Variants in C8orf88 observed in about 807,000 individuals in gnomAD.
C8orf88 encodes uncharacterized protein C8orf88.
Under a neutral mutation model 18.4 loss-of-function variants are expected in C8orf88, and 14 were observed. That is an observed-to-expected ratio of 0.76 (90% CI 0.50 to 1.19). The LOEUF (loss-of-function observed/expected upper bound fraction) is 1.19, where lower values mean the gene tolerates loss of function less well. Ranked by LOEUF, C8orf88 falls within the 50% of genes most tolerant of loss-of-function variation. The pLI is 0.00. For missense variants in C8orf88, 116 were observed against 134.7 expected (o/e 0.86, Z 0.69); for synonymous variants, 45 against 42.9 (o/e 1.05, Z -0.19).
At chr8:90,979,868 A>C (rs561255053) in intron 2 of C8orf88, among the ~76,000 whole-genome samples, 1 of 152,362 alleles carries the variant, frequency 6.6e-6, no homozygotes, top group East Asian at 1.9e-4. Flanking sequence ...AGATATTTTG[A>C]AATTAGACCT....
At chr8:90,973,676 A>T (rs937187196) in intron 3 of C8orf88, among the ~76,000 whole-genome samples, 6 of 151,980 alleles carry the variant, frequency 3.9e-5, no homozygotes, top group African/African-American at 1.4e-4. Flanking sequence ...TAGAGACAAG[A>T]TCTTGCTACA....
At chr8:90,972,703 G>A (rs530287579) in intron 3 of C8orf88, among the ~76,000 whole-genome samples, 17 of 152,146 alleles carry the variant, frequency 1.1e-4, no homozygotes, top group African/African-American at 3.9e-4. Flanking sequence ...TTATAGGTAA[G>A]GAAAATCAGA....
chr8:90,968,860 C>A (rs182415110), intron 4 of C8orf88, among the ~76,000 whole-genome samples: 191 of 150,536 alleles, frequency 1.3e-3, no homozygotes, highest in Non-Finnish European at 2.3e-3. Flanking sequence ...ATAGAAATAG[C>A]CAACAAGCAC....
intron 4 of C8orf88, among the ~76,000 whole-genome samples, chr8:90,967,897 G>A (rs990823354): frequency 6.6e-6 from 1 of 151,674 alleles, no homozygotes; most frequent in Non-Finnish European, 1.5e-5. Flanking sequence ...ACTGAAAACT[G>A]TAAAATATTG....
intron 1 of C8orf88, among the ~76,000 whole-genome samples, chr8:90,984,885 C>A (rs749373088): frequency 1.3e-5 from 2 of 152,140 alleles, no homozygotes; most frequent in Non-Finnish European, 2.9e-5. Flanking sequence ...CCCTGGCCCC[C>A]TACACTTTCT....
intron 4 of C8orf88, among the ~76,000 whole-genome samples, chr8:90,961,172 G>A (rs1811121639): frequency 6.6e-6 from 1 of 151,272 alleles, no homozygotes; most frequent in Non-Finnish European, 1.5e-5. Context: ...TAACTATTGG[G>A]CAATTCAGAT....
At chr8:90,963,955 AT>A (rs1190274137) in intron 4 of C8orf88, among the ~76,000 whole-genome samples, 1 of 151,610 alleles carries the variant, frequency 6.6e-6, no homozygotes, top group Non-Finnish European at 1.5e-5. Context: ...GAATCTATAC[AT>A]CTAAGAAGTT....
chr8:90,963,380 T>A (rs1052420786), intron 4 of C8orf88, among the ~76,000 whole-genome samples: 2 of 151,712 alleles, frequency 1.3e-5, no homozygotes, highest in African/African-American at 4.8e-5. Context: ...GCCACATTTA[T>A]AACATTCAAA....
chr8:90,981,965 A>G (rs1389995977), intron 1 of C8orf88, among the ~76,000 whole-genome samples: 2 of 152,184 alleles, frequency 1.3e-5, no homozygotes, highest in Non-Finnish European at 1.5e-5. Flanking sequence ...TAACCCTTTA[A>G]GTTCCCAGAA....
chr8:90,964,301 TTATC>T (rs764154634), intron 4 of C8orf88, among the ~76,000 whole-genome samples: 4 of 151,790 alleles, frequency 2.6e-5, no homozygotes, highest in South Asian at 2.1e-4. Flanking sequence ...TTACAAGAGA[TTATC>T]TATCAGATAA....
At chr8:90,963,341 G>A (rs1353161551) in intron 4 of C8orf88, among the ~76,000 whole-genome samples, 1 of 151,480 alleles carries the variant, frequency 6.6e-6, no homozygotes, top group African/African-American at 2.4e-5. Flanking sequence ...CAAACCCAAG[G>A]GAAGGAAGAA....
At chr8:90,972,157 C>G (rs1364288054) in intron 3 of C8orf88, among the ~76,000 whole-genome samples, 1 of 152,014 alleles carries the variant, frequency 6.6e-6, no homozygotes, top group East Asian at 1.9e-4. Flanking sequence ...CCTTAAATTT[C>G]TGTGAATGCT....
intron 4 of C8orf88, among the ~76,000 whole-genome samples, chr8:90,966,620 C>T (rs1811203888): frequency 6.7e-6 from 1 of 148,918 alleles, no homozygotes. Context: ...AAACCTTTAC[C>T]AAGACTGATT....
rs1811079718 is a variant in C8orf88 at position 90,958,838 on chromosome 8, T to C, written c.*169A>G. The stretch of plus-strand genomic sequence containing the variant: ...AACCTCCTGCAAAGCTGAAACTGAT[T>C]AGAAAATTCTTTATATTTTAAAATA... On this transcript the variant is annotated 3_prime_UTR_variant, in exon 6 of 6. Coordinates refer to ENST00000517562, the MANE Select transcript of C8orf88 (RefSeq NM_001190972.2). The C allele has an allele frequency of 4.2e-6, 2 of 474,030 alleles. No individual in the cohort carries two copies. The highest frequency in any genetic ancestry group is 3.6e-6 in the Non-Finnish European group (1 of 281,524). 29.4% of individuals were successfully genotyped at this position (474,030 alleles called of 1,614,324 possible). A position where few individuals can be genotyped will look rare whatever the true frequency, so the allele number is the denominator to read the frequency against.
chr8:90,962,595 A>C (rs1563551590), intron 4 of C8orf88, among the ~76,000 whole-genome samples: 1 of 151,458 alleles, frequency 6.6e-6, no homozygotes, highest in Non-Finnish European at 1.5e-5. Context: ...ACCATCCCCC[A>C]GATAGGCCAT....
At chr8:90,977,401 C>T (rs1811367281) in intron 3 of C8orf88, among the ~76,000 whole-genome samples, 1 of 151,868 alleles carries the variant, frequency 6.6e-6, no homozygotes, top group Non-Finnish European at 1.5e-5. Flanking sequence ...AACTTTATGC[C>T]ACAGAAAACT....
chr8:90,979,943 C>A (rs905515984), intron 2 of C8orf88, among the ~76,000 whole-genome samples: 1 of 152,144 alleles, frequency 6.6e-6, no homozygotes, highest in Non-Finnish European at 1.5e-5. Flanking sequence ...ACTACAGAAC[C>A]TTTAAGATTT....
rs554503181 is a variant in C8orf88, at chr8:90,978,905, T to C, written c.74-253A>G. Reference sequence around the variant, plus strand: ...TAAAAGACAAGTTCATACATAATGATTATAATACAATTTGATAAGCAGTAT... The same window carrying C: ...TAAAAGACAAGTTCATACATAATGACTATAATACAATTTGATAAGCAGTAT... On this transcript the variant is annotated intron_variant, in intron 2 of 5. Transcript: ENST00000517562. 1.1e-4 allele frequency among the ~76,000 whole-genome samples: 16 copies of C among 152,244 alleles called. 1 individual carries two copies. The South Asian group carries it at 3.3e-3, about 32-fold the overall frequency.
At chr8:90,967,705 A>T (rs1811222400) in intron 4 of C8orf88, among the ~76,000 whole-genome samples, 1 of 151,796 alleles carries the variant, frequency 6.6e-6, no homozygotes, top group Non-Finnish European at 1.5e-5. Flanking sequence ...TTGGCATACA[A>T]CTAACTGTTC....
Sources: allele counts gnomAD v4.1 joint callset (sites outside exome capture counted in the v4.1 genomes callset), GRCh38; gene constraint gnomAD v4.1.1; transcripts MANE v1.5; gene names NCBI Gene and HGNC (gene_info 2026-07-23, HGNC 2026-07-21).